ATXN10: variants seen among roughly 807,000 people sequenced by gnomAD.
ATXN10 encodes the protein ataxin 10.
ATXN10 carries 28 observed loss-of-function variants against 52.9 expected under a neutral mutation model. The observed-to-expected ratio is 0.53, with a 90% CI of 0.39 to 0.73. The LOEUF (loss-of-function observed/expected upper bound fraction) is 0.73, where lower values mean the gene tolerates loss of function less well. Ranked by LOEUF, ATXN10 falls within the 30% of genes least tolerant of loss-of-function variation. The pLI, the probability that ATXN10 is intolerant of heterozygous loss-of-function variation, is 0.00. For synonymous variants in ATXN10, 226 were observed against 221.5 expected (o/e 1.02, Z -0.18); for missense variants, 565 against 577.0 (o/e 0.98, Z 0.21).
intron 9 of ATXN10, among the ~76,000 whole-genome samples, chr22:45,782,593 G>T (rs1927186957): frequency 6.6e-6 from 1 of 152,186 alleles, no homozygotes; most frequent in African/African-American, 2.4e-5. Context: ...ATAGAGGTCA[G>T]AATACTAACC....
chr22:45,791,690 A>T (rs1441674196), intron 9 of ATXN10, among the ~76,000 whole-genome samples: 1 of 152,172 alleles, frequency 6.6e-6, no homozygotes, highest in African/African-American at 2.4e-5. Flanking sequence ...TATTTCTAGA[A>T]TATTTTAGGG....
At chr22:45,752,506 G>T (rs1329467406) in intron 9 of ATXN10, among the ~76,000 whole-genome samples, 2 of 148,388 alleles carry the variant, frequency 1.3e-5, no homozygotes, top group African/African-American at 5.0e-5. Flanking sequence ...GAGCAGGTGT[G>T]TGGGACAGTG....
intron 1 of ATXN10, chr22:45,676,879 A>T (rs942799037): frequency 3.3e-5 from 5 of 152,486 alleles, no homozygotes; most frequent in African/African-American, 1.2e-4. Context: ...TCCTGGGCTC[A>T]AGCAATCCTC....
intron 9 of ATXN10, among the ~76,000 whole-genome samples, chr22:45,778,047 A>G (rs186678549): frequency 1.9e-3 from 287 of 152,342 alleles, no homozygotes; most frequent in African/African-American, 6.7e-3. Flanking sequence ...TCACACTACA[A>G]CAACACAGTT....
Position 45,774,396 on chromosome 22 carries a change from C to T in ATXN10, c.1174-32563C>T, listed in dbSNP as rs17574370. Among the ~76,000 whole-genome samples the T allele has an allele frequency of 0.09, 13,694 of 152,270 alleles. 817 individuals carry two copies. The highest frequency in any genetic ancestry group is 0.15 in the Middle Eastern group (43 of 294). ...CAGACACAGTGTGCGAGCAAGCAGT[C>T]CTGTGGGAGAGCTCCAGGTCTCCTG... On this transcript the variant is annotated intron_variant, in intron 9 of 11. Coordinates refer to ENST00000252934, the MANE Select transcript of ATXN10 (RefSeq NM_013236.4). The surrounding 1 kb of genome is among the most constrained non-coding windows in gnomAD (Gnocchi z 6.2).
rs777500610 is a variant in ATXN10, at chr22:45,689,824, A to T, written c.229A>T (p.Ser77Cys). The change falls in exon 2 of 12, where the codon AGT (serine) becomes TGT (cysteine). Residue 77 changes from serine (S) to cysteine (C), a missense_variant. By Grantham distance (112) the Ser-to-Cys change is moderately radical. Transcript: ENST00000252934. ...ATCCCAAGTGGAAAACCTGGCTTCC[A>T]GTCTGCAGTTAATAACAGAATGCTT... ...DPSQVENLAS[S>C]LQLITECFRC... 2 of 1,614,230 alleles carry T rather than the reference A, an allele frequency of 1.2e-6. No individual in the cohort carries two copies. Among genetic ancestry groups the T allele is most frequent in the Non-Finnish European group, 1.7e-6 (2 of 1,180,026 alleles).
In ATXN10 at chr22:45,683,913, C is replaced by T. The variant is rs1923028438; in HGVS notation, c.117-5799C>T. Among the ~76,000 whole-genome samples, 2 of 152,124 alleles carry T rather than the reference C, an allele frequency of 1.3e-5. No individual in the cohort carries two copies. The highest frequency in any genetic ancestry group is 6.6e-5 in the Admixed American group (1 of 15,266). On this transcript the variant is annotated intron_variant, in intron 1 of 11. Transcript: ENST00000252934. The surrounding 1 kb of genome is among the most constrained non-coding windows in gnomAD (Gnocchi z 4.8). Reference sequence around the variant, plus strand: ...CAGTGGTTGACTTTCTGCCTCTGTGCTAATTTCACCTTTTCTTAGCTTCTC... The same window carrying T: ...CAGTGGTTGACTTTCTGCCTCTGTGTTAATTTCACCTTTTCTTAGCTTCTC...
Position 45,759,976 on chromosome 22 carries a change from C to T in ATXN10, c.1173+19438C>T, listed in dbSNP as rs1246249298. ...ATGCTGGCTGTTGTGTGCCAGTGTG[C>T]CAGGAGAGCATGGGGCAGGGGAATG... On this transcript the variant is annotated intron_variant, in intron 9 of 11. Transcript: ENST00000252934. This position sits in a 1 kb window ranked among gnomAD's most constrained non-coding sequence, Gnocchi z 5.4. 6.6e-6 allele frequency among the ~76,000 whole-genome samples: 1 copy of T among 152,142 alleles called. No individual in the cohort carries two copies. Among genetic ancestry groups the T allele is most frequent in the Non-Finnish European group, 1.5e-5 (1 of 68,022 alleles).
chr22:45,795,331 C>A lies in ATXN10; in HGVS notation c.1174-11628C>A, dbSNP rs527838566. Among the ~76,000 whole-genome samples, 1 of 151,458 alleles carries A rather than the reference C, an allele frequency of 6.6e-6. No homozygotes were observed. Among genetic ancestry groups the A allele is most frequent in the African/African-American group, 2.4e-5 (1 of 41,286 alleles). ...TATTAAATGTAAATGGCTTAAATAT[C>A]CAACTAAAAGACTACTAGAATGGAT... On this transcript the variant is annotated intron_variant, in intron 9 of 11. Transcript: ENST00000252934. This position sits in a 1 kb window ranked among gnomAD's most constrained non-coding sequence, Gnocchi z 4.6.
chr22:45,844,030 C>A lies in ATXN10; in HGVS notation c.*359C>A. 3.6e-6 allele frequency: 1 copy of A among 278,038 alleles called. No homozygotes were observed. The highest frequency in any genetic ancestry group is 5.7e-5 in the South Asian group (1 of 17,608). 17.2% of individuals were successfully genotyped at this position (278,038 alleles called of 1,614,324 possible). A position where few individuals can be genotyped will look rare whatever the true frequency, so the allele number is the denominator to read the frequency against. On this transcript the variant is annotated 3_prime_UTR_variant, in exon 12 of 12. Coordinates refer to ENST00000252934, the MANE Select transcript of ATXN10 (RefSeq NM_013236.4). ...TGACTGTGTTTGTCCCTTCAGATGG[C>A]AAGTCAGCATCATTCTTTATATTCC... is the stretch of plus-strand genomic sequence containing the variant.
rs1435883795 is a variant in ATXN10 at position 45,705,798 on chromosome 22, T to C, written c.647+2951T>C. On this transcript the variant is annotated intron_variant, in intron 5 of 11. Transcript: ENST00000252934. This position sits in a 1 kb window ranked among gnomAD's most constrained non-coding sequence, Gnocchi z 5.2. ...GGTTGGTTTTGGTAGTTTGTGTCTTTCTAGGAATTTGCCTGTTTGGTCTAG... is the reference window on the plus strand; with the variant it reads ...GGTTGGTTTTGGTAGTTTGTGTCTTCCTAGGAATTTGCCTGTTTGGTCTAG... 4.6e-5 allele frequency among the ~76,000 whole-genome samples: 7 copies of C among 152,100 alleles called. No homozygotes were observed. Among genetic ancestry groups the C allele is most frequent in the Admixed American group, 3.3e-4 (5 of 15,274 alleles).
rs1378571216 is a variant in ATXN10 at position 45,775,623 on chromosome 22, A to T, written c.1174-31336A>T. 6.6e-6 allele frequency among the ~76,000 whole-genome samples: 1 copy of T among 152,174 alleles called. No individual in the cohort carries two copies. The highest frequency in any genetic ancestry group is 1.5e-5 in the Non-Finnish European group (1 of 68,034). On this transcript the variant is annotated intron_variant, in intron 9 of 11. Transcript: ENST00000252934. The surrounding 1 kb of genome is among the most constrained non-coding windows in gnomAD (Gnocchi z 4.7). ...GCTTTCGTCAGTGTTAGCCTGTGTA[A>T]TGACACTGTTTTTCTCCTTCGTGTG...
At chr22:45,751,763 A>AAAAAAAAAAAAATAATAATAATAAT in intron 9 of ATXN10, among the ~76,000 whole-genome samples, 2 of 66,628 alleles carry the variant, frequency 3.0e-5, no homozygotes, top group Admixed American at 1.5e-4. Context: ...AATAAAAAAA[A>AAAAAAAAAAAAATAATAATAATAAT]AATAATAATA....
chr22:45,741,518 C>T (rs1372755063), intron 9 of ATXN10, among the ~76,000 whole-genome samples: 1 of 152,074 alleles, frequency 6.6e-6, no homozygotes, highest in African/African-American at 2.4e-5. Context: ...GAGGAAAGGT[C>T]TGGTGAAGGA....
At position 45,758,752 on chromosome 22, in the gene ATXN10, C is replaced by T. The variant is rs1038725850; in HGVS notation, c.1173+18214C>T. 5.3e-5 allele frequency among the ~76,000 whole-genome samples: 8 copies of T among 152,188 alleles called. No homozygotes were observed. The East Asian group carries it at 5.8e-4, about 11-fold the overall frequency. ...AACGTGGACTTGATAGAGCAGTATG[C>T]GATGTTTTTGTCTTCAGGGCAAGCT... On this transcript the variant is annotated intron_variant, in intron 9 of 11. Coordinates refer to ENST00000252934, the MANE Select transcript of ATXN10 (RefSeq NM_013236.4).
Position 45,784,056 on chromosome 22 carries a change from C to G in ATXN10, c.1174-22903C>G, listed in dbSNP as rs1156976128. Among the ~76,000 whole-genome samples the G allele has an allele frequency of 6.6e-6, 1 of 152,188 alleles. No homozygotes were observed. Among genetic ancestry groups the G allele is most frequent in the Non-Finnish European group, 1.5e-5 (1 of 68,028 alleles). On this transcript the variant is annotated intron_variant, in intron 9 of 11. Coordinates refer to ENST00000252934, the MANE Select transcript of ATXN10 (RefSeq NM_013236.4). The surrounding 1 kb of genome is among the most constrained non-coding windows in gnomAD (Gnocchi z 4.2). ...TGTCACTGGCCCTCCCTCTCCCCTT[C>G]TTAATCCTCATCACTCTTCATTTGC...
In ATXN10 at chr22:45,689,693, T is replaced by A. The variant is rs1301326041; in HGVS notation, c.117-19T>A. Reference sequence around the variant, plus strand: ...ATAATCTTTTTTTTCTGATTCGTGATAATTTTATCCTTTTTCAGAGAAACA... The same window carrying A: ...ATAATCTTTTTTTTCTGATTCGTGAAAATTTTATCCTTTTTCAGAGAAACA... On this transcript the variant is annotated intron_variant, in intron 1 of 11. Coordinates refer to ENST00000252934, the MANE Select transcript of ATXN10 (RefSeq NM_013236.4). 6.2e-7 allele frequency: 1 copy of A among 1,609,406 alleles called. No individual in the cohort carries two copies. The highest frequency in any genetic ancestry group is 2.2e-5 in the East Asian group (1 of 44,848).
rs1261086018 is a variant in ATXN10 at position 45,763,132 on chromosome 22, C to A, written c.1173+22594C>A. On this transcript the variant is annotated intron_variant, in intron 9 of 11. Coordinates refer to ENST00000252934, the MANE Select transcript of ATXN10 (RefSeq NM_013236.4). This position sits in a 1 kb window ranked among gnomAD's most constrained non-coding sequence, Gnocchi z 6.9. ...GAAGGAGGCCTAGGAAATGATGTTT[C>A]TGTGGCCTTCCTACCCCCTCTCCCT... 6.6e-6 allele frequency among the ~76,000 whole-genome samples: 1 copy of A among 152,196 alleles called. No homozygotes were observed. Among genetic ancestry groups the A allele is most frequent in the East Asian group, 1.9e-4 (1 of 5,190 alleles).
At chr22:45,680,618 G>C (rs1451544503) in intron 1 of ATXN10, among the ~76,000 whole-genome samples, 1 of 151,328 alleles carries the variant, frequency 6.6e-6, no homozygotes. Flanking sequence ...ACCATGCCCC[G>C]CTAATTAAAA....
Sources: gnomAD v4.1 joint callset for allele counts (sites outside exome capture counted in the v4.1 genomes callset) on GRCh38, gnomAD v4.1.1 for gene constraint, Gnocchi (gnomAD v3.1) non-coding constraint, MANE v1.5 for transcripts, NCBI Gene and HGNC (gene_info 2026-07-23, HGNC 2026-07-21) for gene names.